The following PPAT variants were observed in gnomAD, a reference collection of about 807,000 sequenced individuals.
PPAT encodes amidophosphoribosyltransferase.
Under a neutral mutation model 60.2 loss-of-function variants are expected in PPAT, and 20 were observed. The observed-to-expected ratio is 0.33, with a 90% CI of 0.23 to 0.48. The LOEUF is 0.48. Among genes scored for constraint, PPAT ranks in the 20% least tolerant of loss-of-function variants. The pLI, the probability that PPAT is intolerant of heterozygous loss-of-function variation, is 0.99. For synonymous variants in PPAT, 194 were observed against 215.1 expected (o/e 0.90, Z 0.86); for missense variants, 349 against 629.6 (o/e 0.55, Z 4.77).
rs1218535043 is a variant in PPAT, at chr4:56,403,046, C to T, written c.655G>A (p.Asp219Asn). ...TCCTTCTAAAGTTTATTACCTTTGT[C>T]ATTTATATCAGACACTGGAATAAGA... ...GRLIPVSDIN[D>N]KEKKTSETEG... is the part of the protein sequence containing the mutation. The change falls in exon 5 of 11, where the codon GAC becomes AAC. Residue 219 changes from aspartate to asparagine, a missense_variant. Transcript: ENST00000264220. 3 of 1,601,512 alleles carry T rather than the reference C, an allele frequency of 1.9e-6. No homozygotes were observed. In the African/African-American group the frequency reaches 4.0e-5, roughly 22 times the overall value.
chr4:56,421,095 G>A (rs950796703), intron 1 of PPAT: 1 of 152,292 alleles, frequency 6.6e-6, no homozygotes, highest in Non-Finnish European at 1.5e-5. Context: ...TATGACCTGA[G>A]CTCCGCGACT....
intron 3 of PPAT, among the ~76,000 whole-genome samples, chr4:56,404,600 T>C (rs964749286): frequency 6.6e-6 from 1 of 152,204 alleles, no homozygotes; most frequent in Non-Finnish European, 1.5e-5. Flanking sequence ...AGTCATTATG[T>C]CAGGAAACAG....
At chr4:56,399,529 A>C (rs2110037527) in intron 8 of PPAT, 129 bp from the exon 9 acceptor site, 1 of 752,770 alleles carries the variant, frequency 1.3e-6, no homozygotes, top group South Asian at 2.1e-5. Flanking sequence ...TATTTGGAAA[A>C]AAGGCAAAAA....
At chr4:56,412,951 A>C (rs1332960604) in intron 1 of PPAT, among the ~76,000 whole-genome samples, 1 of 152,236 alleles carries the variant, frequency 6.6e-6, no homozygotes, top group Admixed American at 6.5e-5. Flanking sequence ...CCCAAGATTA[A>C]TCATGGTCTA....
chr4:56,409,290 T>C (rs1716345119), intron 1 of PPAT, among the ~76,000 whole-genome samples: 2 of 152,210 alleles, frequency 1.3e-5, no homozygotes, highest in African/African-American at 4.8e-5. Context: ...GCAGAATTTA[T>C]GCTTCTAACC....
intron 1 of PPAT, among the ~76,000 whole-genome samples, chr4:56,426,587 G>A (rs1489332023): frequency 6.6e-6 from 1 of 152,036 alleles, no homozygotes; most frequent in Non-Finnish European, 1.5e-5. Flanking sequence ...CATCCACGTT[G>A]TAGCATATAT....
intron 3 of PPAT, among the ~76,000 whole-genome samples, chr4:56,404,285 T>C (rs1716189345): frequency 6.6e-6 from 1 of 152,212 alleles, no homozygotes; most frequent in Non-Finnish European, 1.5e-5. Flanking sequence ...ACTGGGTATA[T>C]TCCTATAAAA....
At chr4:56,428,181 G>C (rs1717393943) in intron 1 of PPAT, among the ~76,000 whole-genome samples, 1 of 152,190 alleles carries the variant, frequency 6.6e-6, no homozygotes, top group African/African-American at 2.4e-5. Context: ...GTTGCTTTAA[G>C]TGAATGATAA....
At chr4:56,405,931 T>C (rs1716230241) in intron 3 of PPAT, among the ~76,000 whole-genome samples, 1 of 152,192 alleles carries the variant, frequency 6.6e-6, no homozygotes, top group Non-Finnish European at 1.5e-5. Context: ...GCATCTGAAG[T>C]GCGGGACAAT....
chr4:56,421,261 ATGGGACCATGTAGT>A (rs1166643639), intron 1 of PPAT: 2 of 158,482 alleles, frequency 1.3e-5, no homozygotes, highest in Non-Finnish European at 2.7e-5. Context: ...TCACTCCCAG[ATGGGACCATGTAGT>A]TGCAGGAAAA....
chr4:56,431,995 G>A (rs751780367), intron 1 of PPAT, among the ~76,000 whole-genome samples: 1 of 152,192 alleles, frequency 6.6e-6, no homozygotes, highest in African/African-American at 2.4e-5. Flanking sequence ...AAGACAGCCA[G>A]AACTACTAAA....
intron 1 of PPAT, chr4:56,428,931 T>C: frequency 1.1e-6 from 1 of 918,704 alleles, no homozygotes; most frequent in Non-Finnish European, 1.3e-6. Flanking sequence ...TCCTGTGTTT[T>C]TATTTAAGAA....
chr4:56,410,912 A>AAG, intron 1 of PPAT: 1 of 967,944 alleles, frequency 1.0e-6, no homozygotes, highest in Non-Finnish European at 1.2e-6. Context: ...AAAAAAAAAA[A>AAG]AAAAAAAAAA....
At chr4:56,402,683 G>C (rs1716142082) in intron 5 of PPAT, among the ~76,000 whole-genome samples, 1 of 151,966 alleles carries the variant, frequency 6.6e-6, no homozygotes, top group Non-Finnish European at 1.5e-5. Flanking sequence ...GGGTATGGTG[G>C]TGTGCGCCTG....
rs1170290242 is a variant in PPAT at position 56,403,240 on chromosome 4, C to T, written c.515+49G>A. On this transcript the variant is annotated intron_variant, in intron 4 of 10. Transcript: ENST00000264220. Reference sequence around the variant, plus strand: ...ACTTCAGTTATAAACATATGCAAGGCAAAACTCTCCTTACTAGAGCTCTAA... The same window carrying T: ...ACTTCAGTTATAAACATATGCAAGGTAAAACTCTCCTTACTAGAGCTCTAA... 5 of 1,596,970 alleles carry T rather than the reference C, an allele frequency of 3.1e-6. No individual in the cohort carries two copies. The South Asian group carries it at 5.5e-5, about 18-fold the overall frequency.
At position 56,406,542 on chromosome 4, in the gene PPAT, C is replaced by T; in HGVS notation, c.355G>A (p.Val119Met). 1.9e-6 allele frequency: 3 copies of T among 1,613,078 alleles called. No homozygotes were observed. The highest frequency in any genetic ancestry group is 2.5e-6 in the Non-Finnish European group (3 of 1,180,006). Residue 119 changes from valine to methionine, a missense_variant, in exon 3 of 11, where the codon GTG (valine) becomes ATG (methionine). Physicochemically the swap from Val to Met is conservative, Grantham distance 21. Around this residue, in one of 5 missense-constraint regions of PPAT, gnomAD observed 115 missense variants for 174.5 expected, o/e 0.66. Transcript: ENST00000264220. ...VVETLHGKIA[V>M]AHNGELVNAA... ...TTTACCAATTCGCCATTATGTGCCACAGCTATCTTCCCATGAAGTGTTTCA... is the reference window on the plus strand; with the variant it reads ...TTTACCAATTCGCCATTATGTGCCATAGCTATCTTCCCATGAAGTGTTTCA...
intron 1 of PPAT, among the ~76,000 whole-genome samples, chr4:56,411,109 T>A (rs544369668): frequency 8.5e-5 from 13 of 152,178 alleles, no homozygotes; most frequent in African/African-American, 3.1e-4. Context: ...ATTACCACTT[T>A]AAAAAAATCT....
rs1716107994 is a variant in PPAT at position 56,401,323 on chromosome 4, T to G, written c.886+7A>C. 1 of 1,562,668 alleles carries G rather than the reference T, an allele frequency of 6.4e-7. No individual in the cohort carries two copies. The highest frequency in any genetic ancestry group is 8.6e-7 in the Non-Finnish European group (1 of 1,156,808). On this transcript the variant is annotated splice_region_variant and intron_variant, in intron 7 of 10. Transcript: ENST00000264220. ...TATGAATGTTCAAAGAAAAGAAATC[T>G]ACTTACCTTCGAACATACTGTCTGG...
chr4:56,404,533 C>T (rs1272499677), intron 3 of PPAT, among the ~76,000 whole-genome samples: 1 of 152,062 alleles, frequency 6.6e-6, no homozygotes, highest in Non-Finnish European at 1.5e-5. Flanking sequence ...TGAATGGGCA[C>T]TACAGAACAT....
Sources: gnomAD v4.1 joint callset for allele counts (sites outside exome capture counted in the v4.1 genomes callset) on GRCh38, gnomAD v4.1.1 for gene constraint, gnomAD v4.1.1 regional missense constraint, MANE v1.5 for transcripts, NCBI Gene and HGNC (gene_info 2026-07-23, HGNC 2026-07-21) for gene names.